RAB1A: variants seen among roughly 807,000 people sequenced by gnomAD.
RAB1A encodes RAB1A, member RAS oncogene family, also known as ras-related protein Rab-1A.
RAB1A carries 2 observed loss-of-function variants against 26.0 expected under a neutral mutation model. That is an observed-to-expected ratio of 0.08 (90% CI 0.03 to 0.24). The LOEUF (loss-of-function observed/expected upper bound fraction) is 0.24, where lower values mean the gene tolerates loss of function less well. Ranked by LOEUF, RAB1A falls within the 10% of genes least tolerant of loss-of-function variation. RAB1A has a pLI of 1.00. For missense variants in RAB1A, 100 were observed against 247.0 expected (o/e 0.40, Z 3.99); for synonymous variants, 84 against 84.9 (o/e 0.99, Z 0.06).
chr2:65,114,688 AC>A (rs1669782605), intron 1 of RAB1A, among the ~76,000 whole-genome samples: 1 of 151,920 alleles, frequency 6.6e-6, no homozygotes, highest in South Asian at 2.1e-4. Flanking sequence ...CTAAAAAAAT[AC>A]AAAAAATTAG....
intron 1 of RAB1A, among the ~76,000 whole-genome samples, chr2:65,129,647 C>T (rs940489672): frequency 6.6e-6 from 1 of 152,004 alleles, no homozygotes; most frequent in African/African-American, 2.4e-5. Flanking sequence ...GCCCCGCAGT[C>T]AGGCCCTCTA....
Position 65,122,167 on chromosome 2 carries a change from A to T in RAB1A, c.23+7726T>A, listed in dbSNP as rs1252344116. Among the ~76,000 whole-genome samples the T allele has an allele frequency of 2.1e-3, 300 of 143,360 alleles. 12 individuals carry two copies. The highest frequency in any genetic ancestry group is 3.5e-3 in the Middle Eastern group (1 of 282). The allele number at this position is 143,360 out of a possible 152,430, so 94.0% of individuals were successfully genotyped here. On this transcript the variant is annotated intron_variant, in intron 1 of 5. Transcript: ENST00000409784. ...CAAGACTCTATCTCAAAAAAAAAAAAAAAAAAAAAAAAAAAAAAGCTGGTA... is the reference window on the plus strand; with the variant it reads ...CAAGACTCTATCTCAAAAAAAAAAATAAAAAAAAAAAAAAAAAAGCTGGTA...
rs58993413 is a variant in RAB1A at position 65,089,702 on chromosome 2, A to ATTTTT, written c.289-637_289-633dup. On this transcript the variant is annotated intron_variant, in intron 4 of 5. Coordinates refer to ENST00000409784, the MANE Select transcript of RAB1A (RefSeq NM_004161.5). ...AAAACCTGGTTTTGAAATTTGATTA[A>ATTTTT]TTTTTTTTTTTTTTTTTTGAGACAA... is the stretch of plus-strand genomic sequence containing the variant. 4.4e-4 allele frequency among the ~76,000 whole-genome samples: 62 copies of ATTTTT among 141,992 alleles called. 1 individual carries two copies. Among genetic ancestry groups the ATTTTT allele is most frequent in the South Asian group, 1.8e-3 (8 of 4,536 alleles). 93.2% of individuals were successfully genotyped at this position (141,992 alleles called of 152,430 possible). A position where few individuals can be genotyped will look rare whatever the true frequency, so the allele number is the denominator to read the frequency against.
chr2:65,125,708 C>T (rs1200307766), intron 1 of RAB1A, among the ~76,000 whole-genome samples: 1 of 151,722 alleles, frequency 6.6e-6, no homozygotes, highest in East Asian at 1.9e-4. Context: ...GCCACTGCGC[C>T]TGGCCATGTT....
intron 1 of RAB1A, among the ~76,000 whole-genome samples, chr2:65,105,723 C>G (rs1340031442): frequency 6.6e-6 from 1 of 151,932 alleles, no homozygotes; most frequent in Non-Finnish European, 1.5e-5. Flanking sequence ...TTGACTAACA[C>G]TCTACACTTG....
At chr2:65,106,961 C>T (rs1027082902) in intron 1 of RAB1A, among the ~76,000 whole-genome samples, 3 of 152,204 alleles carry the variant, frequency 2.0e-5, no homozygotes, top group Admixed American at 6.6e-5. Flanking sequence ...CCATGTTGGT[C>T]GGGCTGGTCT....
rs1670200393 is a variant in RAB1A at position 65,129,937 on chromosome 2, GCCA to G, written c.-25_-23del. On this transcript the variant is annotated 5_prime_UTR_variant, in exon 1 of 6. Transcript: ENST00000409784. ...ACATGTCACTGCAGCTGCCGCCGCC[GCCA>G]CCGCCGCCCTTGCTGCCGCAGCCGC... 1 of 1,581,080 alleles carries G rather than the reference GCCA, an allele frequency of 6.3e-7. No homozygotes were observed. Among genetic ancestry groups the G allele is most frequent in the Non-Finnish European group, 8.6e-7 (1 of 1,165,292 alleles).
intron 1 of RAB1A, among the ~76,000 whole-genome samples, chr2:65,110,742 T>C (rs1189239841): frequency 6.6e-6 from 1 of 151,868 alleles, no homozygotes; most frequent in East Asian, 1.9e-4. Flanking sequence ...AAGACCAGCC[T>C]GAGCAACATA....
chr2:65,099,299 T>C (rs1038094500), intron 2 of RAB1A, among the ~76,000 whole-genome samples: 1 of 152,274 alleles, frequency 6.6e-6, no homozygotes, highest in Non-Finnish European at 1.5e-5. Flanking sequence ...TGTCAATTTT[T>C]TAACCTAATG....
chr2:65,120,158 A>C (rs1277802402), intron 1 of RAB1A, among the ~76,000 whole-genome samples: 4 of 151,870 alleles, frequency 2.6e-5, no homozygotes, highest in Non-Finnish European at 4.4e-5. Flanking sequence ...TAAACTCCAC[A>C]TTTTAAAACT....
At position 65,087,201 on chromosome 2, in the gene RAB1A, TAAA is replaced by T. The variant is rs1558573974; in HGVS notation, c.*1289_*1291del. ...CAGAAGATTTTTTATTCCTCACAAT[TAAA>T]AACCAAACAAAACCCCCTAGGATCT... On this transcript the variant is annotated 3_prime_UTR_variant, in exon 6 of 6. Transcript: ENST00000409784. 1.3e-5 allele frequency: 2 copies of T among 152,496 alleles called. No individual in the cohort carries two copies. Among genetic ancestry groups the T allele is most frequent in the Non-Finnish European group, 2.9e-5 (2 of 68,026 alleles). The allele number at this position is 152,496 out of a possible 1,614,324, so 9.4% of individuals were successfully genotyped here.
At chr2:65,088,760 T>G (rs1254676910) in intron 5 of RAB1A, 70 bp from the exon 6 acceptor site, 1 of 1,394,992 alleles carries the variant, frequency 7.2e-7, no homozygotes, top group African/African-American at 1.4e-5. Context: ...ATTTCTACCA[T>G]CCATAATGGA....
At chr2:65,114,550 C>T (rs939254280) in intron 1 of RAB1A, among the ~76,000 whole-genome samples, 5 of 152,114 alleles carry the variant, frequency 3.3e-5, no homozygotes, top group African/African-American at 1.2e-4. Flanking sequence ...CCCAATACAA[C>T]AGTTTAAGGG....
chr2:65,126,354 CACAA>C (rs1670102096), intron 1 of RAB1A, among the ~76,000 whole-genome samples: 1 of 151,328 alleles, frequency 6.6e-6, no homozygotes, highest in African/African-American at 2.4e-5. Flanking sequence ...CAAAAAAAAA[CACAA>C]ACAGCCAGGC....
chr2:65,099,930 T>A (rs1202052349), intron 2 of RAB1A, among the ~76,000 whole-genome samples: 5 of 152,052 alleles, frequency 3.3e-5, no homozygotes, highest in African/African-American at 1.2e-4. Flanking sequence ...ATCTAGAATA[T>A]TGGACAATCT....
chr2:65,112,194 G>A (rs1369092525), intron 1 of RAB1A, among the ~76,000 whole-genome samples: 1 of 148,008 alleles, frequency 6.8e-6, no homozygotes, highest in Non-Finnish European at 1.5e-5. Flanking sequence ...TGCCTAGGCT[G>A]GAGTGCAATG....
chr2:65,098,490 A>T (rs1573069131), intron 2 of RAB1A, among the ~76,000 whole-genome samples: 1 of 151,804 alleles, frequency 6.6e-6, no homozygotes, highest in African/African-American at 2.4e-5. Flanking sequence ...CAACAATTTC[A>T]CTCCGCTTTT....
intron 1 of RAB1A, among the ~76,000 whole-genome samples, chr2:65,105,070 A>G (rs1156852423): frequency 1.3e-5 from 2 of 152,228 alleles, no homozygotes; most frequent in African/African-American, 4.8e-5. Flanking sequence ...AAAGAAGGAA[A>G]AGAAAAATAA....
At chr2:65,092,859 C>T (rs1465154802) in intron 3 of RAB1A, among the ~76,000 whole-genome samples, 2 of 152,082 alleles carry the variant, frequency 1.3e-5, no homozygotes, top group African/African-American at 2.4e-5. Context: ...ATTATGACGA[C>T]GGTTTCCCCC....
Sources: gnomAD v4.1 joint callset for allele counts (sites outside exome capture counted in the v4.1 genomes callset) on GRCh38, gnomAD v4.1.1 for gene constraint, MANE v1.5 for transcripts, NCBI Gene and HGNC (gene_info 2026-07-23, HGNC 2026-07-21) for gene names.